FGFR3: variants seen among roughly 807,000 people sequenced by gnomAD.
The protein encoded by FGFR3 is FGFR-3.
FGFR3 carries 25 observed loss-of-function variants against 82.9 expected under a neutral mutation model. The observed-to-expected ratio is 0.30, with a 90% CI of 0.22 to 0.42. The LOEUF is 0.42. Ranked by LOEUF, FGFR3 falls within the 10% of genes least tolerant of loss-of-function variation. The probability of loss-of-function intolerance (pLI) is 1.00; values close to 1 mark genes in which losing one functional copy is unlikely to be tolerated. For synonymous variants in FGFR3, 620 were observed against 516.0 expected (o/e 1.20, Z -2.73); for missense variants, 1,026 against 1,161.0 (o/e 0.88, Z 1.69).
rs1303313643 is a variant in FGFR3, at chr4:1,808,439, ATTC to A, written c.*1182_*1184del. 1.7e-5 allele frequency: 4 copies of A among 232,186 alleles called. No individual in the cohort carries two copies. The highest frequency in any genetic ancestry group is 2.6e-5 in the Non-Finnish European group (3 of 117,234). The allele number at this position is 232,186 out of a possible 1,614,324, so 14.4% of individuals were successfully genotyped here. On this transcript the variant is annotated 3_prime_UTR_variant, in exon 18 of 18. Coordinates refer to ENST00000440486, the MANE Select transcript of FGFR3 (RefSeq NM_000142.5). ...AAAGCAAGCTGGTATTTTCATACAA[ATTC>A]TTCTAATTGCTGTGTGTCCCAGGCA...
chr4:1,806,964 C>T (rs374393688), intron 17 of FGFR3, 30 bp downstream of exon 17: 72 of 1,577,534 alleles, frequency 4.6e-5, no homozygotes, highest in African/African-American at 1.4e-4. Flanking sequence ...TGGTGCCACC[C>T]GCCTATGCCC....
intron 2 of FGFR3, among the ~76,000 whole-genome samples, chr4:1,797,762 C>T (rs571646937): frequency 1.5e-4 from 23 of 152,272 alleles, no homozygotes; most frequent in South Asian, 4.1e-4. Context: ...CTGTGGGTCC[C>T]GGTGGGGCGA....
intron 2 of FGFR3, among the ~76,000 whole-genome samples, chr4:1,794,342 C>CG (rs965920388): frequency 1.3e-5 from 2 of 152,208 alleles, no homozygotes; most frequent in Non-Finnish European, 2.9e-5. Flanking sequence ...CGGGAGGGCG[C>CG]GGGGGGCCCC....
chr4:1,802,887 C>T (rs2108789093), intron 7 of FGFR3: 3 of 1,570,368 alleles, frequency 1.9e-6, no homozygotes, highest in South Asian at 1.2e-5. Context: ...CGGGGGCGTG[C>T]CTGAGCCGGG....
chr4:1,806,350 G>T (rs2108809593), intron 15 of FGFR3, 23 bp downstream of exon 15: 4 of 1,612,546 alleles, frequency 2.5e-6, no homozygotes, highest in Non-Finnish European at 3.4e-6. Context: ...CAGAGCTCAG[G>T]CTTCAGGGGT....
chr4:1,803,018 C>T lies in FGFR3; in HGVS notation c.931-674C>T, dbSNP rs765402176. The T allele has an allele frequency of 1.4e-5, 22 of 1,601,086 alleles. 2 individuals are homozygous for T. In the Admixed American group the frequency reaches 3.1e-4, roughly 22 times the overall value. ...TCTGTCGAGCCACCAATTTCATAGG[C>T]GTGGCCGAGAAGGCCTTTTGGCTGA... On this transcript the variant is annotated intron_variant, in intron 7 of 17. Transcript: ENST00000440486.
Position 1,801,903 on chromosome 4 carries a change from G to A in FGFR3, c.808G>A (p.Asp270Asn), listed in dbSNP as rs780147591. 4.8e-5 allele frequency: 77 copies of A among 1,612,066 alleles called. 1 individual carries two copies. Among genetic ancestry groups the A allele is most frequent in the South Asian group, 4.7e-4 (43 of 91,076 alleles). Residue 270 changes from aspartate to asparagine, a missense_variant, in exon 7 of 18, where the codon GAC becomes AAC. Physicochemically the swap from Asp to Asn is conservative, Grantham distance 23. Coordinates refer to ENST00000440486, the MANE Select transcript of FGFR3 (RefSeq NM_000142.5). ...CAACCAGACGGCGGTGCTGGGCAGCGACGTGGAGTTCCACTGCAAGGTGTA... is the reference window on the plus strand; with the variant it reads ...CAACCAGACGGCGGTGCTGGGCAGCAACGTGGAGTTCCACTGCAAGGTGTA... ...PANQTAVLGSDVEFHCKVYSD... is the reference protein window; with the variant it reads ...PANQTAVLGSNVEFHCKVYSD...
intron 7 of FGFR3, chr4:1,803,298 G>A (rs987157381): frequency 9.4e-6 from 5 of 532,748 alleles, no homozygotes; most frequent in Non-Finnish European, 1.6e-5. Flanking sequence ...GGAGGTGCCC[G>A]GTGCCCACCG....
chr4:1,806,000 C>T (rs2108805791), intron 13 of FGFR3, 51 bp from the exon 14 acceptor site: 1 of 1,611,494 alleles, frequency 6.2e-7, no homozygotes, highest in Non-Finnish European at 8.5e-7. Context: ...ATGCTGGGAG[C>T]AGCGGGGAGA....
At chr4:1,802,595 C>T (rs575776219) in intron 7 of FGFR3, among the ~76,000 whole-genome samples, 138 of 152,298 alleles carry the variant, frequency 9.1e-4, no homozygotes, top group African/African-American at 3.2e-3. Context: ...AGGCGCAGGG[C>T]GAGGGTGGAG....
chr4:1,801,426 G>C lies in FGFR3; in HGVS notation c.505G>C (p.Ala169Pro). ...CAAGAAGCTGCTGGCCGTGCCGGCC[G>C]CCAACACCGTCCGCTTCCGCTGCCC... is the stretch of plus-strand genomic sequence containing the variant. ...MDKKLLAVPA[A>P]NTVRFRCPAA... Residue 169 changes from alanine (A) to proline (P), a missense_variant, in exon 5 of 18, where the codon GCC becomes CCC. Physicochemically the swap from Ala to Pro is conservative, Grantham distance 27 (BLOSUM62 -1). Around this residue, in one of 9 missense-constraint regions of FGFR3, gnomAD observed 147 missense variants for 228.1 expected, o/e 0.64. Coordinates refer to ENST00000440486, the MANE Select transcript of FGFR3 (RefSeq NM_000142.5). 6.4e-7 allele frequency: 1 copy of C among 1,552,832 alleles called. No homozygotes were observed. Among genetic ancestry groups the C allele is most frequent in the South Asian group, 1.2e-5 (1 of 84,346 alleles).
chr4:1,804,619 C>T (rs560897665), intron 9 of FGFR3, 99 bp downstream of exon 9: 4 of 1,528,290 alleles, frequency 2.6e-6, no homozygotes, highest in Admixed American at 1.7e-5. Context: ...TGAGCCCTCT[C>T]TGCAGCCAGG....
chr4:1,799,718 C>A, intron 3 of FGFR3, 29 bp from the exon 4 acceptor site: 1 of 1,612,042 alleles, frequency 6.2e-7, no homozygotes, highest in Non-Finnish European at 8.5e-7. Context: ...GCAGGTTGGG[C>A]ATTGGTTGCG....
rs1323346167 is a variant in FGFR3 at position 1,797,679 on chromosome 4, C to T, written c.110-1575C>T. ...CTGGGTGGTCCCCACAAGACACTGG[C>T]CAGGACCGGAGGGCTGGAGGTCAGG... On this transcript the variant is annotated intron_variant, in intron 2 of 17. Transcript: ENST00000440486. 2.0e-5 allele frequency among the ~76,000 whole-genome samples: 3 copies of T among 152,342 alleles called. No homozygotes were observed. The East Asian group carries it at 5.8e-4, about 29-fold the overall frequency.
Position 1,807,386 on chromosome 4 carries a change from TGTGTGTGTGTGTGC to T in FGFR3, c.*138_*151del, listed in dbSNP as rs1159650939. 20 of 1,202,654 alleles carry T rather than the reference TGTGTGTGTGTGTGC, an allele frequency of 1.7e-5. No homozygotes were observed. Among genetic ancestry groups the T allele is most frequent in the Non-Finnish European group, 2.2e-5 (20 of 891,552 alleles). The allele number at this position is 1,202,654 out of a possible 1,614,324, so 74.5% of individuals were successfully genotyped here. On this transcript the variant is annotated 3_prime_UTR_variant, in exon 18 of 18. Coordinates refer to ENST00000440486, the MANE Select transcript of FGFR3 (RefSeq NM_000142.5). ...GACAGCTACACAGAGCTTTGGTCTG[TGTGTGTGTGTGTGC>T]GTGTGTGTGTGTGTGTGTGCACATC...
intron 1 of FGFR3, 80 bp from the exon 2 acceptor site, chr4:1,793,753 G>C (rs1720118642): frequency 1.3e-5 from 2 of 158,622 alleles, no homozygotes; most frequent in South Asian, 3.5e-4. Context: ...GGGGGTCGGA[G>C]GGGTCGGGAC....
At chr4:1,795,574 C>T (rs879090784) in intron 2 of FGFR3, among the ~76,000 whole-genome samples, 2 of 152,248 alleles carry the variant, frequency 1.3e-5, no homozygotes, top group African/African-American at 2.4e-5. Context: ...GAGGTCTAGG[C>T]TGGCGCTTGC....
At chr4:1,803,894 C>G (rs1432367137) in intron 8 of FGFR3, 58 bp downstream of exon 8, 12 of 1,552,140 alleles carry the variant, frequency 7.7e-6, no homozygotes, top group Non-Finnish European at 9.8e-6. Flanking sequence ...TGGCTCGGGA[C>G]ACGCCAAAGC....
intron 4 of FGFR3, among the ~76,000 whole-genome samples, chr4:1,800,834 G>A (rs553409138): frequency 6.2e-4 from 94 of 152,328 alleles, no homozygotes; most frequent in African/African-American, 2.2e-3. Context: ...ATCGAGATGG[G>A]AGGAGGCAGG....
Sources: gnomAD v4.1 joint callset for allele counts (sites outside exome capture counted in the v4.1 genomes callset) on GRCh38, gnomAD v4.1.1 for gene constraint, gnomAD v4.1.1 regional missense constraint, MANE v1.5 for transcripts, NCBI Gene and HGNC (gene_info 2026-07-23, HGNC 2026-07-21) for gene names.